PCDH11X: variants seen among roughly 807,000 people sequenced by gnomAD.
The protein encoded by PCDH11X is protocadherin 11 X-linked, also known as protocadherin-11 X-linked.
PCDH11X carries 18 observed loss-of-function variants against 53.3 expected under a neutral mutation model. The observed-to-expected ratio is 0.34, with a 90% CI of 0.23 to 0.50. PCDH11X has a LOEUF of 0.50. PCDH11X is among the 20% of genes least tolerant of loss of function. The pLI is 0.98. For synonymous variants in PCDH11X, 279 were observed against 393.3 expected (o/e 0.71, Z 3.44); for missense variants, 570 against 1,032.4 (o/e 0.55, Z 6.14).
intron 10 of PCDH11X, among the ~76,000 whole-genome samples, chrX:92,537,883 T>A (rs1419387654): frequency 9.1e-6 from 1 of 110,114 alleles, no homozygotes; most frequent in African/African-American, 3.3e-5. Context: ...TCATCAGTTT[T>A]AATAGCTTTT....
At chrX:92,118,551 A>C (rs1436039741) in intron 6 of PCDH11X, among the ~76,000 whole-genome samples, 3 of 109,682 alleles carry the variant, frequency 2.7e-5, no homozygotes, top group Non-Finnish European at 5.7e-5. Context: ...ACTTCTAGGA[A>C]GTCTTGTCTG....
rs188563784 is a variant in PCDH11X at position 91,865,746 on chromosome X, C to T, written c.541-11035C>T. On this transcript the variant is annotated intron_variant, in intron 5 of 10. Transcript: ENST00000682573. Reference sequence around the variant, plus strand: ...TCCTTCCCTTGCTTCCCTGTACTTTCCAAAGGCAGAGAAGCCTCATCCTGT... The same window carrying T: ...TCCTTCCCTTGCTTCCCTGTACTTTTCAAAGGCAGAGAAGCCTCATCCTGT... Among the ~76,000 whole-genome samples, 417 of 112,084 alleles carry T rather than the reference C, an allele frequency of 3.7e-3. 1 individual carries two copies. Among genetic ancestry groups the T allele is most frequent in the Non-Finnish European group, 5.7e-3 (305 of 53,173 alleles).
intron 7 of PCDH11X, among the ~76,000 whole-genome samples, chrX:92,202,760 G>A (rs961774010): frequency 8.9e-6 from 1 of 111,867 alleles, no homozygotes; most frequent in African/African-American, 3.2e-5. Context: ...GGTGGCTCAC[G>A]CCTGTAATCC....
At chrX:92,321,149 G>A (rs1363160500) in intron 8 of PCDH11X, among the ~76,000 whole-genome samples, 3 of 107,193 alleles carry the variant, frequency 2.8e-5, no homozygotes, top group Admixed American at 2.0e-4. Flanking sequence ...TGGAACAGGA[G>A]GTCGGTTAGT....
chrX:91,799,743 A>AAGTAGGGAGATTGAACTGAT (rs985278736), intron 1 of PCDH11X, among the ~76,000 whole-genome samples: 1 of 112,285 alleles, frequency 8.9e-6, no homozygotes, highest in African/African-American at 3.2e-5. Context: ...GTAAATAAAT[A>AAGTAGGGAGATTGAACTGAT]AGTAGGGAGA....
intron 6 of PCDH11X, among the ~76,000 whole-genome samples, chrX:92,200,019 G>GT (rs1253647121): frequency 1.8e-5 from 2 of 110,085 alleles, no homozygotes; most frequent in African/African-American, 6.6e-5. Context: ...AATAAACTTG[G>GT]TTTTTTAAAA....
chrX:92,089,524 A>AT (rs1156402681), intron 6 of PCDH11X, among the ~76,000 whole-genome samples: 42 of 109,855 alleles, frequency 3.8e-4, no homozygotes, highest in Admixed American at 3.9e-4. Flanking sequence ...ATTATTTTTT[A>AT]TTTTTTTTTC....
intron 6 of PCDH11X, among the ~76,000 whole-genome samples, chrX:91,880,284 G>A (rs1218116290): frequency 9.0e-6 from 1 of 111,480 alleles, no homozygotes; most frequent in Non-Finnish European, 1.9e-5. Flanking sequence ...CATGCTACAT[G>A]TTGAGTTTAT....
At chrX:92,254,395 A>T (rs895383502) in intron 7 of PCDH11X, among the ~76,000 whole-genome samples, 1 of 110,646 alleles carries the variant, frequency 9.0e-6, no homozygotes, top group Non-Finnish European at 1.9e-5. Flanking sequence ...TCTTTATCCA[A>T]TTTGCCAGTC....
intron 9 of PCDH11X, among the ~76,000 whole-genome samples, chrX:92,464,131 T>C (rs1252575363): frequency 3.6e-5 from 4 of 111,972 alleles, no homozygotes; most frequent in Admixed American, 9.5e-5. Context: ...GGAATATGGA[T>C]AGAAACTTTA....
intron 10 of PCDH11X, among the ~76,000 whole-genome samples, chrX:92,501,418 C>G (rs2073957215): frequency 9.0e-6 from 1 of 110,644 alleles, no homozygotes; most frequent in Non-Finnish European, 1.9e-5. Context: ...GGCAGAGATA[C>G]AACAAAAGAA....
Position 92,392,121 on chromosome X carries a change from T to G in PCDH11X, c.3343+4188T>G, listed in dbSNP as rs188836057. On this transcript the variant is annotated intron_variant, in intron 9 of 10. Coordinates refer to ENST00000682573, the MANE Select transcript of PCDH11X (RefSeq NM_032968.5). Reference sequence around the variant, plus strand: ...TTATAGCTGGTCTAGTGTCTAGCATTGAATCTTAAAGTAACAAAATACTTG... The same window carrying G: ...TTATAGCTGGTCTAGTGTCTAGCATGGAATCTTAAAGTAACAAAATACTTG... Among the ~76,000 whole-genome samples, 752 of 111,045 alleles carry G rather than the reference T, an allele frequency of 6.8e-3. 5 individuals carry two copies. The highest frequency in any genetic ancestry group is 0.023 in the African/African-American group (720 of 30,779).
chrX:92,490,736 G>GAGAGAA (rs200924121), intron 10 of PCDH11X, among the ~76,000 whole-genome samples: 15,977 of 103,520 alleles, frequency 0.15, 1,184 homozygotes, highest in East Asian at 0.42. Context: ...AAGAGAGAAA[G>GAGAGAA]AGAGAAAGAG....
rs2071442525 is a variant in PCDH11X, at chrX:92,403,491, AGATT to A, written c.3343+15560_3343+15563del. On this transcript the variant is annotated intron_variant, in intron 9 of 10. Coordinates refer to ENST00000682573, the MANE Select transcript of PCDH11X (RefSeq NM_032968.5). Reference sequence around the variant, plus strand: ...ACTACAGTAACTCATGAAAAGAGAAAGATTGCTTTTCAATATTTTACCTCTGTCC... The same window carrying A: ...ACTACAGTAACTCATGAAAAGAGAAAGCTTTTCAATATTTTACCTCTGTCC... Among the ~76,000 whole-genome samples, 17 of 109,292 alleles carry A rather than the reference AGATT, an allele frequency of 1.6e-4. No homozygotes were observed. In the South Asian group the frequency reaches 6.7e-3, roughly 43 times the overall value. 94.9% of individuals were successfully genotyped at this position (109,292 alleles called of 115,157 possible).
chrX:92,247,276 C>T (rs759093383), intron 7 of PCDH11X, among the ~76,000 whole-genome samples: 2 of 111,628 alleles, frequency 1.8e-5, no homozygotes, highest in African/African-American at 3.3e-5. Flanking sequence ...ATACTTCTTC[C>T]ATGTGTCATG....
rs61213467 is a variant in PCDH11X, at chrX:91,820,700, T to G, written c.-45+9405T>G. ...AATTAGATCCCATTTGTCAATTTTGTCTTTTGTTGCCATTGCTTTTGGTGT... is the reference window on the plus strand; with the variant it reads ...AATTAGATCCCATTTGTCAATTTTGGCTTTTGTTGCCATTGCTTTTGGTGT... On this transcript the variant is annotated intron_variant, in intron 4 of 10. Transcript: ENST00000682573. 8.8e-3 allele frequency among the ~76,000 whole-genome samples: 840 copies of G among 95,529 alleles called. 16 individuals are homozygous for G. The highest frequency in any genetic ancestry group is 0.046 in the African/African-American group (749 of 16,299). The allele number at this position is 95,529 out of a possible 115,157, so 83.0% of individuals were successfully genotyped here.
chrX:92,271,475 G>C (rs957800562), intron 8 of PCDH11X, among the ~76,000 whole-genome samples: 1 of 111,964 alleles, frequency 8.9e-6, no homozygotes, highest in Non-Finnish European at 1.9e-5. Flanking sequence ...AAGCATAGGG[G>C]CTCAAAGGTC....
intron 6 of PCDH11X, among the ~76,000 whole-genome samples, chrX:92,003,630 G>A (rs1351916190): frequency 1.3e-4 from 13 of 97,243 alleles, no homozygotes; most frequent in African/African-American, 4.9e-4. Context: ...TAGGTTGTAT[G>A]TATACATGAA....
At chrX:91,934,191 G>T (rs2061419841) in intron 6 of PCDH11X, among the ~76,000 whole-genome samples, 1 of 109,463 alleles carries the variant, frequency 9.1e-6, no homozygotes, top group Non-Finnish European at 1.9e-5. Context: ...TGTTCCCTTT[G>T]TTAATTGTCC....
Sources: allele counts gnomAD v4.1 joint callset (sites outside exome capture counted in the v4.1 genomes callset), GRCh38; gene constraint gnomAD v4.1.1; transcripts MANE v1.5; gene names NCBI Gene and HGNC (gene_info 2026-07-23, HGNC 2026-07-21).